The following CDX1 variants were observed in gnomAD, a reference collection of about 807,000 sequenced individuals.
The protein encoded by CDX1 is caudal type homeobox 1.
A neutral mutation model predicts 16.9 loss-of-function variants in CDX1; 9 were observed. The ratio of observed to expected loss-of-function variants is 0.53; its 90% CI spans 0.32 to 0.93. The LOEUF (loss-of-function observed/expected upper bound fraction) is 0.93, where lower values mean the gene tolerates loss of function less well. CDX1 is among the 40% of genes least tolerant of loss of function. The pLI is 0.04. For synonymous variants in CDX1, 179 were observed against 179.0 expected (o/e 1.00, Z 0.00); for missense variants, 393 against 386.1 (o/e 1.02, Z -0.15).
rs754645659 is a variant in CDX1, at chr5:150,166,969, CCCCCCGGCCCCG to C, written c.102_113del (p.Pro37_Pro40del). 3.4e-5 allele frequency: 49 copies of C among 1,454,156 alleles called. No individual in the cohort carries two copies. Among genetic ancestry groups the C allele is most frequent in the Middle Eastern group, 4.7e-4 (2 of 4,292 alleles). 90.1% of individuals were successfully genotyped at this position (1,454,156 alleles called of 1,614,324 possible). A position where few individuals can be genotyped will look rare whatever the true frequency, so the allele number is the denominator to read the frequency against. ...TCGGCCTGGGCCCGCAAGCCTACGGCCCCCCGGCCCCGCCCCCGGCGCCCCCGCAGTACCCCG... is the reference window on the plus strand; with the variant it reads ...TCGGCCTGGGCCCGCAAGCCTACGGCCCCCCGGCGCCCCCGCAGTACCCCG... On this transcript the variant is annotated inframe_deletion, in exon 1 of 3. Transcript: ENST00000231656.
At chr5:150,180,851 G>C (rs1761631425) in intron 1 of CDX1, among the ~76,000 whole-genome samples, 1 of 152,096 alleles carries the variant, frequency 6.6e-6, no homozygotes, top group African/African-American at 2.4e-5. Context: ...AGAAAGTCCT[G>C]ACATTAACCT....
intron 1 of CDX1, among the ~76,000 whole-genome samples, chr5:150,168,118 G>A (rs1761458463): frequency 6.6e-6 from 1 of 152,200 alleles, no homozygotes; most frequent in Non-Finnish European, 1.5e-5. Context: ...GCCTTGGCTC[G>A]GTAGTGACTC....
chr5:150,172,196 T>C (rs1322599844), intron 1 of CDX1, among the ~76,000 whole-genome samples: 2 of 152,232 alleles, frequency 1.3e-5, no homozygotes, highest in African/African-American at 4.8e-5. Flanking sequence ...CCACTGCCTG[T>C]CTACTTTCAT....
Position 150,167,121 on chromosome 5 carries a change from C to T in CDX1, c.245C>T (p.Ala82Val), listed in dbSNP as rs1281958282. ...GCCGCCTACGGCCCGGGCCCCGCGG[C>T]CCCTGCCGCCAGCCCAGCTTCGCTG... ...WAAAYGPGPA[A>V]PAASPASLAF... The change falls in exon 1 of 3, where the codon GCC becomes GTC. Residue 82 changes from alanine (A) to valine (V), a missense_variant. Transcript: ENST00000231656. The T allele has an allele frequency of 2.2e-6, 3 of 1,335,004 alleles. No individual in the cohort carries two copies. The highest frequency in any genetic ancestry group is 4.1e-5 in the South Asian group (2 of 48,876). 82.7% of individuals were successfully genotyped at this position (1,335,004 alleles called of 1,614,324 possible). A position where few individuals can be genotyped will look rare whatever the true frequency, so the allele number is the denominator to read the frequency against.
intron 1 of CDX1, among the ~76,000 whole-genome samples, chr5:150,175,818 T>C (rs1159525375): frequency 6.6e-6 from 1 of 152,234 alleles, no homozygotes; most frequent in African/African-American, 2.4e-5. Flanking sequence ...CAGGTCAGTG[T>C]GTTCTTGGCC....
At chr5:150,177,522 A>G (rs1393238063) in intron 1 of CDX1, among the ~76,000 whole-genome samples, 1 of 151,060 alleles carries the variant, frequency 6.6e-6, no homozygotes, top group African/African-American at 2.4e-5. Context: ...TTTGATTGAT[A>G]GGTTCTACTG....
In CDX1 at chr5:150,166,844, G is replaced by A; in HGVS notation, c.-33G>A. 1 of 1,405,288 alleles carries A rather than the reference G, an allele frequency of 7.1e-7. No individual in the cohort carries two copies. Among genetic ancestry groups the A allele is most frequent in the Non-Finnish European group, 9.3e-7 (1 of 1,075,084 alleles). The allele number at this position is 1,405,288 out of a possible 1,614,324, so 87.1% of individuals were successfully genotyped here. On this transcript the variant is annotated 5_prime_UTR_variant, in exon 1 of 3. Transcript: ENST00000231656. The stretch of plus-strand genomic sequence containing the variant: ...GGGCGGCCGGCAGCGGCGGCTCCAG[G>A]GCCCAGCATGCGCGGGGGACCCCGC...
At position 150,167,228 on chromosome 5, in the gene CDX1, G is replaced by T; in HGVS notation, c.352G>T (p.Gly118Cys). ...GPGLLAQPLG[G>C]PGTPSSPGAQ... ...GGGCCTCCTGGCGCAGCCCCTCGGG[G>T]GCCCGGGCACACCGTCCTCGCCCGG... The change falls in exon 1 of 3, where the codon GGC (glycine) becomes TGC (cysteine). Residue 118 changes from glycine (G) to cysteine (C), a missense_variant. Gly to Cys is a radical substitution (Grantham distance 159). Coordinates refer to ENST00000231656, the MANE Select transcript of CDX1 (RefSeq NM_001804.3). 1.6e-6 allele frequency: 2 copies of T among 1,260,646 alleles called. No individual in the cohort carries two copies. Among genetic ancestry groups the T allele is most frequent in the South Asian group, 6.6e-5 (2 of 30,306 alleles). The allele number at this position is 1,260,646 out of a possible 1,614,324, so 78.1% of individuals were successfully genotyped here.
At chr5:150,170,145 G>A (rs924961336) in intron 1 of CDX1, among the ~76,000 whole-genome samples, 3 of 152,132 alleles carry the variant, frequency 2.0e-5, no homozygotes, top group Non-Finnish European at 4.4e-5. Context: ...CAGATCTTGT[G>A]CACATGCTGT....
chr5:150,166,807 T>C lies in CDX1; in HGVS notation c.-70T>C. On this transcript the variant is annotated 5_prime_UTR_variant, in exon 1 of 3. Transcript: ENST00000231656. ...GGACAGCCGAGTTCAGGTGAGCGGT[T>C]GCTCGTCGTCGGGGCGGCCGGCAGC... 8.7e-7 allele frequency: 1 copy of C among 1,145,496 alleles called. No homozygotes were observed. The highest frequency in any genetic ancestry group is 3.9e-5 in the Admixed American group (1 of 25,568). The allele number at this position is 1,145,496 out of a possible 1,614,324, so 71.0% of individuals were successfully genotyped here. A position where few individuals can be genotyped will look rare whatever the true frequency, so the allele number is the denominator to read the frequency against.
At position 150,166,823 on chromosome 5, in the gene CDX1, G is replaced by A; in HGVS notation, c.-54G>A. ...GTGAGCGGTTGCTCGTCGTCGGGGC[G>A]GCCGGCAGCGGCGGCTCCAGGGCCC... On this transcript the variant is annotated 5_prime_UTR_variant, in exon 1 of 3. Transcript: ENST00000231656. 7.8e-7 allele frequency: 1 copy of A among 1,283,866 alleles called. No individual in the cohort carries two copies. The highest frequency in any genetic ancestry group is 1.0e-6 in the Non-Finnish European group (1 of 984,030). The allele number at this position is 1,283,866 out of a possible 1,614,324, so 79.5% of individuals were successfully genotyped here.
At chr5:150,182,316 AC>A (rs990827645) in intron 1 of CDX1, among the ~76,000 whole-genome samples, 6 of 152,062 alleles carry the variant, frequency 3.9e-5, no homozygotes, top group African/African-American at 1.4e-4. Context: ...TGCAGATTCC[AC>A]CCCCAGGCTT....
intron 1 of CDX1, among the ~76,000 whole-genome samples, chr5:150,181,077 G>T (rs1752403591): frequency 6.6e-6 from 1 of 152,170 alleles, no homozygotes; most frequent in Admixed American, 6.5e-5. Context: ...CCCAGACAGA[G>T]GAAAACCCAG....
At chr5:150,169,530 G>C (rs1761477516) in intron 1 of CDX1, among the ~76,000 whole-genome samples, 1 of 152,156 alleles carries the variant, frequency 6.6e-6, no homozygotes, top group Non-Finnish European at 1.5e-5. Flanking sequence ...GCATCTGACT[G>C]TCTATTCAGT....
chr5:150,166,876 C>A lies in CDX1; in HGVS notation c.-1C>A. Reference sequence around the variant, plus strand: ...CATGCGCGGGGGACCCCGCGGCCACCATGTATGTGGGCTATGTGCTGGACA... The same window carrying A: ...CATGCGCGGGGGACCCCGCGGCCACAATGTATGTGGGCTATGTGCTGGACA... On this transcript the variant is annotated 5_prime_UTR_variant, in exon 1 of 3. Transcript: ENST00000231656. 6.7e-7 allele frequency: 1 copy of A among 1,491,938 alleles called. No individual in the cohort carries two copies. The highest frequency in any genetic ancestry group is 1.3e-5 in the South Asian group (1 of 74,904). 92.4% of individuals were successfully genotyped at this position (1,491,938 alleles called of 1,614,324 possible). A position where few individuals can be genotyped will look rare whatever the true frequency, so the allele number is the denominator to read the frequency against.
chr5:150,167,527 T>C (rs964431989), intron 1 of CDX1, among the ~76,000 whole-genome samples: 1 of 152,140 alleles, frequency 6.6e-6, no homozygotes, highest in Admixed American at 6.5e-5. Context: ...AGCCTAACCC[T>C]CTCTCTGTAC....
intron 1 of CDX1, among the ~76,000 whole-genome samples, chr5:150,179,560 C>T (rs141584861): frequency 2.5e-3 from 388 of 152,284 alleles, no homozygotes; most frequent in Non-Finnish European, 4.6e-3. Flanking sequence ...TGAAATGGCT[C>T]TCATGGGTCT....
intron 1 of CDX1, among the ~76,000 whole-genome samples, chr5:150,173,785 G>A (rs1368712609): frequency 6.6e-6 from 1 of 151,356 alleles, no homozygotes; most frequent in Non-Finnish European, 1.5e-5. Flanking sequence ...ATGAGTGGCT[G>A]GACTAAGCTT....
Position 150,166,999 on chromosome 5 carries a change from G to T in CDX1, c.123G>T (p.Gln41His). Residue 41 changes from glutamine (Q) to histidine (H), a missense_variant, in exon 1 of 3, where the codon CAG becomes CAT. Transcript: ENST00000231656. ...CGGCCCCGCCCCCGGCGCCCCCGCA[G>T]TACCCCGACTTCTCCAGCTACTCTC... ...GPPAPPPAPP[Q>H]YPDFSSYSHV... 1 of 1,439,068 alleles carries T rather than the reference G, an allele frequency of 6.9e-7. No homozygotes were observed. The highest frequency in any genetic ancestry group is 1.4e-5 in the South Asian group (1 of 72,394). The allele number at this position is 1,439,068 out of a possible 1,614,324, so 89.1% of individuals were successfully genotyped here. A position where few individuals can be genotyped will look rare whatever the true frequency, so the allele number is the denominator to read the frequency against.
Sources: gnomAD v4.1 joint callset for allele counts (sites outside exome capture counted in the v4.1 genomes callset) on GRCh38, gnomAD v4.1.1 for gene constraint, MANE v1.5 for transcripts, NCBI Gene and HGNC (gene_info 2026-07-23, HGNC 2026-07-21) for gene names.